MLIP: variants seen among roughly 807,000 people sequenced by gnomAD.
MLIP encodes the protein muscular LMNA-interacting protein.
A neutral mutation model predicts 84.8 loss-of-function variants in MLIP; 79 were observed. The ratio of observed to expected loss-of-function variants is 0.93; its 90% CI spans 0.78 to 1.12. The LOEUF (loss-of-function observed/expected upper bound fraction) is 1.12, where lower values mean the gene tolerates loss of function less well. Among genes scored for constraint, MLIP ranks in the 50% most tolerant of loss-of-function variants. MLIP has a pLI of 0.00. For missense variants in MLIP, 1,257 were observed against 1,160.6 expected (o/e 1.08, Z -1.21); for synonymous variants, 504 against 463.0 (o/e 1.09, Z -1.14).
chr6:54,022,826 A>C (rs1763571330), intron 1 of MLIP, among the ~76,000 whole-genome samples: 2 of 152,198 alleles, frequency 1.3e-5, no homozygotes, highest in African/African-American at 4.8e-5. Context: ...AATATGTCTC[A>C]AGACAATTTT....
At chr6:54,212,260 A>C (rs988108647) in intron 11 of MLIP, among the ~76,000 whole-genome samples, 3 of 152,212 alleles carry the variant, frequency 2.0e-5, no homozygotes, top group Non-Finnish European at 4.4e-5. Context: ...GGATTAAGCC[A>C]TTCCTGATAT....
At chr6:54,126,274 A>G (rs1429592917) in intron 3 of MLIP, among the ~76,000 whole-genome samples, 1 of 152,000 alleles carries the variant, frequency 6.6e-6, no homozygotes, top group Non-Finnish European at 1.5e-5. Flanking sequence ...TGGGTCTTTG[A>G]TTTACTCTTT....
chr6:54,141,325 T>TTTTTTTTTTTG (rs1772282980), intron 4 of MLIP, among the ~76,000 whole-genome samples: 1 of 151,140 alleles, frequency 6.6e-6, no homozygotes. Flanking sequence ...TTTTTTTTTT[T>TTTTTTTTTTTG]GAGACACGTC....
At chr6:54,032,703 A>C (rs528186551) in intron 1 of MLIP, among the ~76,000 whole-genome samples, 1 of 152,136 alleles carries the variant, frequency 6.6e-6, no homozygotes, top group Non-Finnish European at 1.5e-5. Context: ...AGAGGTGTGC[A>C]CCATCATGCC....
chr6:54,113,040 T>C (rs1358101577), intron 1 of MLIP, among the ~76,000 whole-genome samples: 1 of 152,218 alleles, frequency 6.6e-6, no homozygotes, highest in Non-Finnish European at 1.5e-5. Flanking sequence ...TTCATCATTA[T>C]ATATGCTTTA....
At chr6:54,037,342 A>G (rs1370549890) in intron 1 of MLIP, among the ~76,000 whole-genome samples, 1 of 151,936 alleles carries the variant, frequency 6.6e-6, no homozygotes, top group African/African-American at 2.4e-5. Flanking sequence ...TCTGTAATCC[A>G]GCACAATCAA....
At chr6:54,146,052 A>C (rs1772796693) in intron 4 of MLIP, among the ~76,000 whole-genome samples, 2 of 152,180 alleles carry the variant, frequency 1.3e-5, no homozygotes, top group South Asian at 4.1e-4. Context: ...AACTTGATAA[A>C]GATAATGCCT....
intron 1 of MLIP, among the ~76,000 whole-genome samples, chr6:54,056,533 C>G (rs144275721): frequency 8.9e-4 from 135 of 152,250 alleles, no homozygotes; most frequent in African/African-American, 3.1e-3. Flanking sequence ...GTAGGAGACC[C>G]AGGAGTGAGA....
intron 4 of MLIP, among the ~76,000 whole-genome samples, chr6:54,146,018 G>A (rs867131156): frequency 1.3e-5 from 2 of 151,978 alleles, no homozygotes; most frequent in Non-Finnish European, 2.9e-5. Context: ...TGCTTACAAT[G>A]ACAAACCCAA....
At chr6:54,095,982 C>T (rs1768184172) in intron 1 of MLIP, among the ~76,000 whole-genome samples, 1 of 152,060 alleles carries the variant, frequency 6.6e-6, no homozygotes, top group Admixed American at 6.6e-5. Flanking sequence ...CTAGCAGCAT[C>T]TAGCAGGTAG....
intron 1 of MLIP, among the ~76,000 whole-genome samples, chr6:54,074,914 T>G (rs1391331033): frequency 1.3e-5 from 2 of 152,114 alleles, no homozygotes; most frequent in Non-Finnish European, 2.9e-5. Context: ...ATTTCCTAAC[T>G]TCTTCATTTG....
upstream of MLIP, among the ~76,000 whole-genome samples, chr6:54,110,046 G>A (rs1769333662): frequency 6.9e-6 from 1 of 145,750 alleles, no homozygotes; most frequent in African/African-American, 2.5e-5. Context: ...GCAGTGGCGC[G>A]ATATTGGCTC....
At chr6:54,148,933 C>G in intron 4 of MLIP, 123 bp from the exon 5 acceptor site, 1 of 691,746 alleles carries the variant, frequency 1.4e-6, no homozygotes. Context: ...ACAAGTTGTT[C>G]AGCATAATAA....
intron 1 of MLIP, among the ~76,000 whole-genome samples, chr6:54,072,165 C>T (rs185322310): frequency 6.6e-6 from 1 of 152,276 alleles, no homozygotes; most frequent in East Asian, 1.9e-4. Flanking sequence ...CTCAGCTGGT[C>T]TGAAGGACCC....
intron 12 of MLIP, among the ~76,000 whole-genome samples, chr6:54,254,150 G>A (rs1406907746): frequency 6.9e-6 from 1 of 145,258 alleles, no homozygotes; most frequent in Non-Finnish European, 1.5e-5. Flanking sequence ...TTTTTTACGT[G>A]GAGTGTTGCT....
Position 54,202,232 on chromosome 6 carries a change from A to G in MLIP, c.2717A>G (p.Gln906Arg). ...GATAACAGCGACCTCTTTTCTGAACAGGTGAGCACATACAAGAGAAAATGT... is the reference window on the plus strand; with the variant it reads ...GATAACAGCGACCTCTTTTCTGAACGGGTGAGCACATACAAGAGAAAATGT... ...LEDNSDLFSE[Q>R]DVTVPPKPVS... Residue 906 changes from glutamine to arginine, a missense_variant and splice_region_variant, in exon 11 of 14, where the codon CAG becomes CGG. By Grantham distance (43) the Gln-to-Arg change is conservative. Coordinates refer to ENST00000502396, the MANE Select transcript of MLIP (RefSeq NM_001281747.2). 1 of 1,510,416 alleles carries G rather than the reference A, an allele frequency of 6.6e-7. No individual in the cohort carries two copies. Among genetic ancestry groups the G allele is most frequent in the Non-Finnish European group, 8.9e-7 (1 of 1,129,690 alleles). 93.6% of individuals were successfully genotyped at this position (1,510,416 alleles called of 1,614,324 possible).
Position 54,074,416 on chromosome 6 carries a change from T to TG in MLIP, c.64-47031_64-47030insG, listed in dbSNP as rs1229182997. Among the ~76,000 whole-genome samples, 45 of 152,128 alleles carry TG rather than the reference T, an allele frequency of 3.0e-4. 2 individuals carry two copies. The highest frequency in any genetic ancestry group is 2.9e-3 in the Admixed American group (45 of 15,264). On this transcript the variant is annotated intron_variant, in intron 1 of 12. Coordinates refer to the MLIP transcript ENST00000274897. ...TAAAATTAACGCGATGATTTTTTTT[T>TG]CTGTTGGCTGTCATATTCTCCTTTT...
chr6:54,150,436 A>G (rs1773323057), intron 5 of MLIP, among the ~76,000 whole-genome samples: 1 of 152,178 alleles, frequency 6.6e-6, no homozygotes, highest in Non-Finnish European at 1.5e-5. Flanking sequence ...TGGGGCCATA[A>G]TGGTGGGAGA....
At chr6:54,116,325 T>G (rs1470797214) in intron 1 of MLIP, among the ~76,000 whole-genome samples, 1 of 152,204 alleles carries the variant, frequency 6.6e-6, no homozygotes, top group African/African-American at 2.4e-5. Flanking sequence ...CAAGAGTGAT[T>G]GCTCAATAAA....
Sources: allele counts gnomAD v4.1 joint callset (sites outside exome capture counted in the v4.1 genomes callset), GRCh38; gene constraint gnomAD v4.1.1; transcripts MANE v1.5; gene names NCBI Gene and HGNC (gene_info 2026-07-23, HGNC 2026-07-21).